EFR3A: variants seen among roughly 807,000 people sequenced by gnomAD.
EFR3A encodes the protein EFR3 homolog A.
EFR3A carries 76 observed loss-of-function variants against 104.4 expected under a neutral mutation model. That is an observed-to-expected ratio of 0.73 (90% CI 0.60 to 0.88). The LOEUF (loss-of-function observed/expected upper bound fraction) is 0.88. Ranked by LOEUF, EFR3A falls within the 40% of genes least tolerant of loss-of-function variation. EFR3A has a pLI of 0.00. For missense variants in EFR3A, 985 were observed against 1,012.5 expected (o/e 0.97, Z 0.37); for synonymous variants, 330 against 330.0 (o/e 1.00, Z 0.00).
At chr8:131,963,439 A>G (rs942563557) in intron 8 of EFR3A, among the ~76,000 whole-genome samples, 7 of 152,202 alleles carry the variant, frequency 4.6e-5, no homozygotes, top group Non-Finnish European at 5.9e-5. Flanking sequence ...AATACTATAA[A>G]CACCTCTACA....
chr8:131,975,066 T>C (rs1195778604), intron 10 of EFR3A, among the ~76,000 whole-genome samples: 2 of 152,214 alleles, frequency 1.3e-5, no homozygotes, highest in Non-Finnish European at 2.9e-5. Flanking sequence ...TATAAATCTT[T>C]TGTGACCAGG....
chr8:131,915,005 A>G (rs1308804309), intron 1 of EFR3A, among the ~76,000 whole-genome samples: 1 of 152,166 alleles, frequency 6.6e-6, no homozygotes, highest in Non-Finnish European at 1.5e-5. Flanking sequence ...TTATGGCTGC[A>G]TAGTATTCCA....
At chr8:131,947,773 C>G (rs1381969311) in intron 4 of EFR3A, among the ~76,000 whole-genome samples, 1 of 152,082 alleles carries the variant, frequency 6.6e-6, no homozygotes, top group African/African-American at 2.4e-5. Flanking sequence ...GGATATTTAA[C>G]TATGCCATTA....
Position 131,984,247 on chromosome 8 carries a change from C to G in EFR3A, c.1684C>G (p.Leu562Val), listed in dbSNP as rs1820763673. 1 of 1,610,088 alleles carries G rather than the reference C, an allele frequency of 6.2e-7. No homozygotes were observed. The highest frequency in any genetic ancestry group is 8.5e-7 in the Non-Finnish European group (1 of 1,178,192). ...YTSLALITIE[L>V]ANEEVVIDLI... ...TTCTCTTGCTCTTATAACTATTGAA[C>G]TGGCTAATGAAGAAGTAGTTATTGA... The change falls in exon 15 of 23, where the codon CTG becomes GTG. Residue 562 changes from leucine to valine, a missense_variant. Leu to Val is a conservative substitution (Grantham distance 32, BLOSUM62 1). Transcript: ENST00000254624.
At position 131,978,837 on chromosome 8, in the gene EFR3A, C is replaced by T. The variant is rs780793582; in HGVS notation, c.1327-10C>T. 3 of 1,520,190 alleles carry T rather than the reference C, an allele frequency of 2.0e-6. No homozygotes were observed. Among genetic ancestry groups the T allele is most frequent in the Admixed American group, 2.1e-5 (1 of 46,770 alleles). The allele number at this position is 1,520,190 out of a possible 1,614,324, so 94.2% of individuals were successfully genotyped here. A position where few individuals can be genotyped will look rare whatever the true frequency, so the allele number is the denominator to read the frequency against. ...GACAAAAGGTTGTTTGTTTTCTTCT[C>T]GATAATCAGGTGACCTCTGGATATA... On this transcript the variant is annotated splice_polypyrimidine_tract_variant and intron_variant, in intron 12 of 22. Coordinates refer to ENST00000254624, the MANE Select transcript of EFR3A (RefSeq NM_015137.6).
chr8:132,006,604 A>G (rs1003167938), intron 22 of EFR3A, among the ~76,000 whole-genome samples: 2 of 152,092 alleles, frequency 1.3e-5, no homozygotes, highest in African/African-American at 4.8e-5. Context: ...ACATTTAGGT[A>G]AGAAATAATA....
chr8:131,985,198 A>G, intron 16 of EFR3A, 138 bp downstream of exon 16: 4 of 836,992 alleles, frequency 4.8e-6, no homozygotes, highest in Non-Finnish European at 7.4e-6. Flanking sequence ...CAGTAAACTG[A>G]AACTACAGCT....
chr8:131,971,063 T>A (rs968491196), intron 10 of EFR3A, among the ~76,000 whole-genome samples: 5 of 152,208 alleles, frequency 3.3e-5, no homozygotes, highest in African/African-American at 9.6e-5. Context: ...CTATTACCAC[T>A]AAATACTTTG....
chr8:131,983,788 G>GT (rs1348330788), intron 14 of EFR3A, among the ~76,000 whole-genome samples: 1 of 152,084 alleles, frequency 6.6e-6, no homozygotes, highest in East Asian at 1.9e-4. Flanking sequence ...TATTGCCAAA[G>GT]TGTCTCAGGA....
At chr8:131,980,068 T>TA (rs1346871884) in intron 14 of EFR3A, among the ~76,000 whole-genome samples, 3 of 152,130 alleles carry the variant, frequency 2.0e-5, no homozygotes, top group East Asian at 1.9e-4. Context: ...TATTAAGAGA[T>TA]ACGATAACCA....
intron 1 of EFR3A, among the ~76,000 whole-genome samples, chr8:131,907,141 G>C (rs1056672618): frequency 6.6e-6 from 1 of 151,860 alleles, no homozygotes; most frequent in Non-Finnish European, 1.5e-5. Context: ...TTTTCCCCTT[G>C]AGTTACATTA....
intron 22 of EFR3A, among the ~76,000 whole-genome samples, chr8:132,009,659 G>C (rs1409748635): frequency 1.3e-5 from 2 of 152,042 alleles, no homozygotes; most frequent in Non-Finnish European, 2.9e-5. Context: ...ACTGACCAGC[G>C]AGGAAGGGTC....
At chr8:131,985,109 T>C (rs758106779) in intron 16 of EFR3A, 49 bp downstream of exon 16, 4 of 1,532,634 alleles carry the variant, frequency 2.6e-6, no homozygotes, top group Non-Finnish European at 3.6e-6. Context: ...ACAAAATTGC[T>C]AATTTTATTC....
intron 7 of EFR3A, among the ~76,000 whole-genome samples, chr8:131,958,455 C>T (rs1040200848): frequency 1.7e-4 from 26 of 152,248 alleles, no homozygotes; most frequent in Non-Finnish European, 3.8e-4. Context: ...TTTCTGCCTT[C>T]TACTCTTCAT....
chr8:131,991,252 A>C (rs567682192), intron 18 of EFR3A, among the ~76,000 whole-genome samples: 1 of 152,132 alleles, frequency 6.6e-6, no homozygotes, highest in Admixed American at 6.5e-5. Flanking sequence ...ACCAACCCTC[A>C]TGATTCAGTT....
chr8:131,950,750 G>T (rs972504669), intron 5 of EFR3A, among the ~76,000 whole-genome samples: 10 of 152,166 alleles, frequency 6.6e-5, no homozygotes, highest in African/African-American at 1.9e-4. Context: ...GAGTGAATAA[G>T]TAGATAAATT....
At chr8:131,981,940 A>T (rs1820635829) in intron 14 of EFR3A, among the ~76,000 whole-genome samples, 1 of 152,166 alleles carries the variant, frequency 6.6e-6, no homozygotes, top group Admixed American at 6.6e-5. Flanking sequence ...ATAGTTTCTC[A>T]CCATGTGAAA....
intron 5 of EFR3A, 134 bp downstream of exon 5, chr8:131,950,224 T>A (rs1234428614): frequency 3.1e-6 from 3 of 982,578 alleles, no homozygotes; most frequent in Non-Finnish European, 4.4e-6. Flanking sequence ...TTAGAAGCTA[T>A]AATTGCTGAC....
intron 1 of EFR3A, 127 bp downstream of exon 1, chr8:131,904,449 G>T (rs1275059927): frequency 2.1e-6 from 2 of 937,196 alleles, no homozygotes; most frequent in East Asian, 6.6e-5. Context: ...AAGTGTCTGC[G>T]AGCGGCGGAG....
Sources: gnomAD v4.1 joint callset for allele counts (sites outside exome capture counted in the v4.1 genomes callset) on GRCh38, gnomAD v4.1.1 for gene constraint, MANE v1.5 for transcripts, NCBI Gene and HGNC (gene_info 2026-07-23, HGNC 2026-07-21) for gene names.